Variants in YPEL2 observed in about 807,000 individuals in gnomAD.
YPEL2 encodes the protein yippee like 2.
A neutral mutation model predicts 19.1 loss-of-function variants in YPEL2; 2 were observed. That is an observed-to-expected ratio of 0.10 (90% confidence interval 0.04 to 0.33). YPEL2 has a LOEUF of 0.33. YPEL2 is among the 10% of genes least tolerant of loss of function. YPEL2 has a pLI of 1.00. For missense variants in YPEL2, 66 were observed against 140.7 expected, an observed-to-expected ratio of 0.47 and a Z score of 2.68; for synonymous variants, 52 against 50.0, an observed-to-expected ratio of 1.04 and a Z score of -0.17.
chr17:59,363,615 A>G (rs556204048), intron 2 of YPEL2, among the ~76,000 whole-genome samples: 45 of 152,288 alleles, frequency 3.0e-4, no homozygotes, highest in African/African-American at 1.0e-3. Flanking sequence ...ACCCAGCTGA[A>G]CACTTTCCTC....
At chr17:59,390,416 A>G (rs1163459992) in intron 4 of YPEL2, among the ~76,000 whole-genome samples, 1 of 152,216 alleles carries the variant, frequency 6.6e-6, no homozygotes. Flanking sequence ...TGCTGGGATT[A>G]TAGGCGTGAG....
At chr17:59,389,525 A>C in intron 4 of YPEL2, 57 bp downstream of exon 4, 1 of 1,360,068 alleles carries the variant, frequency 7.4e-7, no homozygotes, top group Middle Eastern at 1.8e-4. Context: ...CAAGAGCCTT[A>C]TGCCAGAACA....
intron 1 of YPEL2, among the ~76,000 whole-genome samples, chr17:59,349,384 G>T (rs1477465035): frequency 9.1e-5 from 11 of 120,794 alleles, no homozygotes; most frequent in East Asian, 2.6e-4. Context: ...TTTTTGTTGA[G>T]ACGGAGTCTC....
intron 4 of YPEL2, among the ~76,000 whole-genome samples, chr17:59,392,867 C>T (rs1230935005): frequency 2.0e-5 from 3 of 151,870 alleles, no homozygotes; most frequent in African/African-American, 7.3e-5. Flanking sequence ...TCAGGCTGGT[C>T]TCCATCTCCT....
At chr17:59,370,488 A>G (rs191614019) in intron 2 of YPEL2, among the ~76,000 whole-genome samples, 107 of 152,326 alleles carry the variant, frequency 7.0e-4, no homozygotes, top group African/African-American at 2.5e-3. Flanking sequence ...GCAGGCTAGA[A>G]TGTAAATTCA....
chr17:59,363,869 C>G (rs2047854554), intron 2 of YPEL2, among the ~76,000 whole-genome samples: 1 of 152,198 alleles, frequency 6.6e-6, no homozygotes, highest in Non-Finnish European at 1.5e-5. Flanking sequence ...GCAAATCCCA[C>G]CCTTTCTTCC....
chr17:59,360,866 CTG>C (rs2047837358), intron 2 of YPEL2, among the ~76,000 whole-genome samples: 1 of 152,114 alleles, frequency 6.6e-6, no homozygotes, highest in African/African-American at 2.4e-5. Context: ...AAGTCTCACT[CTG>C]TCACCCAGGC....
chr17:59,380,589 A>G (rs571118984), intron 2 of YPEL2, among the ~76,000 whole-genome samples: 2 of 152,328 alleles, frequency 1.3e-5, no homozygotes, highest in African/African-American at 4.8e-5. Flanking sequence ...CTTTTACACA[A>G]ATCAGGTGTG....
At chr17:59,396,553 G>C (rs1454328393) in intron 4 of YPEL2, among the ~76,000 whole-genome samples, 1 of 152,198 alleles carries the variant, frequency 6.6e-6, no homozygotes, top group Non-Finnish European at 1.5e-5. Flanking sequence ...AATGAGCGAA[G>C]CTCCTGGAAA....
At chr17:59,372,301 T>C (rs974934385) in intron 2 of YPEL2, among the ~76,000 whole-genome samples, 3 of 152,270 alleles carry the variant, frequency 2.0e-5, no homozygotes, top group Non-Finnish European at 4.4e-5. Flanking sequence ...GCTTGGCAGA[T>C]GGCTGATAGC....
chr17:59,388,739 G>A (rs891546179), intron 3 of YPEL2: 27 of 247,356 alleles, frequency 1.1e-4, no homozygotes, highest in Non-Finnish European at 1.9e-4. Flanking sequence ...GGGACCTAAG[G>A]AGGAAGGAAG....
At chr17:59,356,600 A>G (rs1468129817) in intron 2 of YPEL2, among the ~76,000 whole-genome samples, 1 of 152,222 alleles carries the variant, frequency 6.6e-6, no homozygotes. Context: ...TTTCTCACTC[A>G]TACAATGGGT....
At chr17:59,378,119 C>T (rs2147951565) in intron 2 of YPEL2, among the ~76,000 whole-genome samples, 1 of 152,226 alleles carries the variant, frequency 6.6e-6, no homozygotes, top group Middle Eastern at 3.4e-3. Context: ...CATCCTTTCC[C>T]TTGAACATCA....
intron 2 of YPEL2, among the ~76,000 whole-genome samples, chr17:59,362,099 T>C (rs891756251): frequency 1.3e-5 from 2 of 152,068 alleles, no homozygotes; most frequent in African/African-American, 4.8e-5. Context: ...GACCAGCAAA[T>C]GGTTAGTGCT....
intron 1 of YPEL2, among the ~76,000 whole-genome samples, chr17:59,351,377 A>AAAAAAGAAAG (rs1163937711): frequency 6.6e-6 from 1 of 152,090 alleles, no homozygotes; most frequent in Admixed American, 6.5e-5. Context: ...ACTCTGTCTT[A>AAAAAAGAAAG]AAAAAGAAAG....
chr17:59,394,861 C>T (rs1395520136), intron 4 of YPEL2, among the ~76,000 whole-genome samples: 2 of 152,222 alleles, frequency 1.3e-5, no homozygotes, highest in Admixed American at 6.5e-5. Context: ...CTGAGGCTGG[C>T]GGATCACTCG....
chr17:59,383,255 G>T (rs1031178758), intron 2 of YPEL2, among the ~76,000 whole-genome samples: 1 of 151,834 alleles, frequency 6.6e-6, no homozygotes, highest in African/African-American at 2.4e-5. Flanking sequence ...ACATAGATAA[G>T]TCTTAGGACC....
intron 1 of YPEL2, among the ~76,000 whole-genome samples, chr17:59,334,718 ACT>A (rs1305824321): frequency 1.3e-5 from 2 of 152,060 alleles, no homozygotes; most frequent in Admixed American, 6.6e-5. Flanking sequence ...TTCAAAAAGG[ACT>A]CTATCCAAAT....
At chr17:59,391,185 G>A (rs552420524) in intron 4 of YPEL2, among the ~76,000 whole-genome samples, 1 of 152,214 alleles carries the variant, frequency 6.6e-6, no homozygotes, top group Non-Finnish European at 1.5e-5. Flanking sequence ...CTGTCATATG[G>A]CTCATGAACT....
Sources: allele counts gnomAD v4.1 joint callset (sites outside exome capture counted in the v4.1 genomes callset), GRCh38; gene constraint gnomAD v4.1.1; transcripts MANE v1.5; gene names NCBI Gene and HGNC (gene_info 2026-07-23, HGNC 2026-07-21).